Variants in TRAF6 observed in about 807,000 individuals in gnomAD.
The protein encoded by TRAF6 is TNF receptor-associated factor 6.
A neutral mutation model predicts 48.4 loss-of-function variants in TRAF6; 10 were observed. That is an observed-to-expected ratio of 0.21 (90% confidence interval 0.13 to 0.35). The LOEUF is 0.35. Ranked by LOEUF, TRAF6 falls within the 10% of genes least tolerant of loss-of-function variation. The pLI is 1.00. For missense variants in TRAF6, 397 were observed against 661.0 expected (o/e 0.60, Z 4.38); for synonymous variants, 186 against 219.6 (o/e 0.85, Z 1.35).
rs777671341 is a variant in TRAF6, at chr11:36,497,156, C to A, written c.558G>T (p.Gln186His). ...IHILKDCPRR[Q>H]VSCDNCAASM... ...ATGCAGCACAGTTGTCACAAGAAAC[C>A]TGTCTCCTTGGACAATCCTTCAGAA... is the stretch of plus-strand genomic sequence containing the variant. Residue 186 changes from glutamine to histidine, a missense_variant, in exon 4 of 7, where the codon CAG becomes CAT. Gln to His is a conservative substitution (Grantham distance 24). Around this residue, in one of 4 missense-constraint regions of TRAF6, gnomAD observed 245 missense variants for 349.1 expected, o/e 0.70. Transcript: ENST00000526995. The A allele has an allele frequency of 1.2e-6, 2 of 1,613,836 alleles. No homozygotes were observed. Among genetic ancestry groups the A allele is most frequent in the East Asian group, 2.2e-5 (1 of 44,862 alleles).
chr11:36,497,052 T>C (rs570266302), intron 4 of TRAF6, 56 bp downstream of exon 4: 32 of 1,586,630 alleles, frequency 2.0e-5, no homozygotes, highest in East Asian at 1.4e-4. Flanking sequence ...CAAGTACACA[T>C]TTAAGAACAA....
In TRAF6 at chr11:36,483,966, T is replaced by C. The variant is rs1186117016; in HGVS notation, c.*5872A>G. Among the ~76,000 whole-genome samples the C allele has an allele frequency of 6.6e-6, 1 of 152,188 alleles. No homozygotes were observed. Among genetic ancestry groups the C allele is most frequent in the Non-Finnish European group, 1.5e-5 (1 of 68,026 alleles). On this transcript the variant is annotated 3_prime_UTR_variant, in exon 7 of 7. Transcript: ENST00000526995. ...ATACCTTGCAACCAGTACTGAGACA[T>C]GACATAAAGTTAAAACTCCAGGTGC...
At chr11:36,502,445 T>C (rs575384003) in intron 1 of TRAF6, among the ~76,000 whole-genome samples, 3 of 152,170 alleles carry the variant, frequency 2.0e-5, no homozygotes, top group Non-Finnish European at 4.4e-5. Flanking sequence ...ACAGCCCATG[T>C]AACCACAACT....
At position 36,490,817 on chromosome 11, in the gene TRAF6, CCT is replaced by C. The variant is rs1462756645; in HGVS notation, c.757-169_757-168del. On this transcript the variant is annotated intron_variant, in intron 6 of 6. Transcript: ENST00000526995. The surrounding 1 kb of genome is among the most constrained non-coding windows in gnomAD (Gnocchi z 6.4). Reference sequence around the variant, plus strand: ...TTCTTGATCCAATGAGGCGACTCTGCCTCTTAGTTCACTGAAAAACAGACTAT... The same window carrying C: ...TTCTTGATCCAATGAGGCGACTCTGCCTTAGTTCACTGAAAAACAGACTAT... Among the ~76,000 whole-genome samples, 2 of 152,188 alleles carry C rather than the reference CCT, an allele frequency of 1.3e-5. No individual in the cohort carries two copies. The highest frequency in any genetic ancestry group is 2.9e-5 in the Non-Finnish European group (2 of 68,030).
In TRAF6 at chr11:36,486,546, C is replaced by A. The variant is rs1170806946; in HGVS notation, c.*3292G>T. Among the ~76,000 whole-genome samples the A allele has an allele frequency of 6.6e-6, 1 of 152,062 alleles. No individual in the cohort carries two copies. Among genetic ancestry groups the A allele is most frequent in the Non-Finnish European group, 1.5e-5 (1 of 68,024 alleles). On this transcript the variant is annotated 3_prime_UTR_variant, in exon 7 of 7. Transcript: ENST00000526995. Reference sequence around the variant, plus strand: ...GACCTGTATAATTTTATATGGGTCACAATAATTAACTGCTAGAGATCGTCC... The same window carrying A: ...GACCTGTATAATTTTATATGGGTCAAAATAATTAACTGCTAGAGATCGTCC...
chr11:36,494,329 T>C (rs1417528419), intron 5 of TRAF6, among the ~76,000 whole-genome samples: 1 of 152,124 alleles, frequency 6.6e-6, no homozygotes, highest in Non-Finnish European at 1.5e-5. Flanking sequence ...GCCATGACTG[T>C]GTCAATGCAC....
At chr11:36,497,582 T>TA (rs1347574126) in intron 3 of TRAF6, among the ~76,000 whole-genome samples, 1 of 152,194 alleles carries the variant, frequency 6.6e-6, no homozygotes, top group Non-Finnish European at 1.5e-5. Flanking sequence ...AGCTAATAAG[T>TA]AAAAGGAGCA....
In TRAF6 at chr11:36,497,075, T is replaced by C. The variant is rs762119952; in HGVS notation, c.606+33A>G. The C allele has an allele frequency of 2.2e-5, 36 of 1,604,896 alleles. No individual in the cohort carries two copies. The South Asian group carries it at 2.5e-4, about 11-fold the overall frequency. On this transcript the variant is annotated intron_variant, in intron 4 of 6. Coordinates refer to ENST00000526995, the MANE Select transcript of TRAF6 (RefSeq NM_004620.4). The stretch of plus-strand genomic sequence containing the variant: ...CATTTAAGAACAATATTTTAAGAAG[T>C]AGTGAATTTAACAAATCCAAGTTAG...
At position 36,499,689 on chromosome 11, in the gene TRAF6, A is replaced by T. The variant is rs553389811; in HGVS notation, c.297-1049T>A. ...TGTAATACATCTTTCCCCAAAATTG[A>T]AACAGCAGACATTATCTTTTGTGAT... On this transcript the variant is annotated intron_variant, in intron 2 of 6. Coordinates refer to ENST00000526995, the MANE Select transcript of TRAF6 (RefSeq NM_004620.4). 2.0e-5 allele frequency among the ~76,000 whole-genome samples: 3 copies of T among 152,338 alleles called. No homozygotes were observed. In the East Asian group the frequency reaches 5.8e-4, roughly 29 times the overall value.
chr11:36,491,972 C>T (rs1317350090), intron 6 of TRAF6, among the ~76,000 whole-genome samples: 1 of 151,842 alleles, frequency 6.6e-6, no homozygotes, highest in Admixed American at 6.6e-5. Flanking sequence ...TCTTTTTTGC[C>T]GAATGGCCCT....
At position 36,487,267 on chromosome 11, in the gene TRAF6, G is replaced by C. The variant is rs138107774; in HGVS notation, c.*2571C>G. ...TTGTATACCCAACTGAGTGAAACTAGCATGTTTAAGAATAGAGTAGGAGAT... is the reference window on the plus strand; with the variant it reads ...TTGTATACCCAACTGAGTGAAACTACCATGTTTAAGAATAGAGTAGGAGAT... On this transcript the variant is annotated 3_prime_UTR_variant, in exon 7 of 7. Transcript: ENST00000526995. 6.6e-6 allele frequency: 1 copy of C among 152,188 alleles called. No homozygotes were observed. The highest frequency in any genetic ancestry group is 2.4e-5 in the African/African-American group (1 of 41,442). The allele number at this position is 152,188 out of a possible 1,614,324, so 9.4% of individuals were successfully genotyped here. A position where few individuals can be genotyped will look rare whatever the true frequency, so the allele number is the denominator to read the frequency against.
rs2133659299 is a variant in TRAF6 at position 36,485,343 on chromosome 11, A to G, written c.*4495T>C. 6.6e-6 allele frequency among the ~76,000 whole-genome samples: 1 copy of G among 152,262 alleles called. No individual in the cohort carries two copies. The highest frequency in any genetic ancestry group is 1.9e-4 in the East Asian group (1 of 5,188). On this transcript the variant is annotated 3_prime_UTR_variant, in exon 7 of 7. Coordinates refer to ENST00000526995, the MANE Select transcript of TRAF6 (RefSeq NM_004620.4). Reference sequence around the variant, plus strand: ...TTTGAGTGTGTGCAACGTGCCAGGCACTGTGGTAAGAAGAGGGGATTCAGC... The same window carrying G: ...TTTGAGTGTGTGCAACGTGCCAGGCGCTGTGGTAAGAAGAGGGGATTCAGC...
In TRAF6 at chr11:36,484,316, T is replaced by G. The variant is rs544395128; in HGVS notation, c.*5522A>C. Among the ~76,000 whole-genome samples, 1 of 152,202 alleles carries G rather than the reference T, an allele frequency of 6.6e-6. No individual in the cohort carries two copies. Among genetic ancestry groups the G allele is most frequent in the Non-Finnish European group, 1.5e-5 (1 of 68,032 alleles). ...CATGATTAGTGTTTCCCCACCCTTA[T>G]CTTTGCATTCACTCCCTCTCATAAA... On this transcript the variant is annotated 3_prime_UTR_variant, in exon 7 of 7. Transcript: ENST00000526995.
At chr11:36,501,895 ATGTT>A (rs1318601027) in intron 1 of TRAF6, 4 of 157,088 alleles carry the variant, frequency 2.5e-5, no homozygotes, top group African/African-American at 9.6e-5. Flanking sequence ...ATCTGTTTAC[ATGTT>A]TGTTTCCTGT....
rs1859555711 is a variant in TRAF6 at position 36,490,977 on chromosome 11, A to G, written c.757-327T>C. ...GATTAACATTCTACCTGTGCTCTAA[A>G]TGTTACCTGACCTGTTGCGACACCC... On this transcript the variant is annotated intron_variant, in intron 6 of 6. Transcript: ENST00000526995. The surrounding 1 kb of genome is among the most constrained non-coding windows in gnomAD (Gnocchi z 6.4). 1.3e-5 allele frequency among the ~76,000 whole-genome samples: 2 copies of G among 152,172 alleles called. No individual in the cohort carries two copies. The highest frequency in any genetic ancestry group is 4.8e-5 in the African/African-American group (2 of 41,446).
At chr11:36,491,458 T>C (rs1041598555) in intron 6 of TRAF6, among the ~76,000 whole-genome samples, 5 of 152,312 alleles carry the variant, frequency 3.3e-5, no homozygotes, top group African/African-American at 1.2e-4. Context: ...AATACAACCA[T>C]ACCATTTTGC....
rs60452018 is a variant in TRAF6 at position 36,506,136 on chromosome 11, T to TA, written c.-23+3911dup. ...GGGTTGACATAAATCTTCAATATGTTAAAAAAAAAAAACAAAAAAGTATCC... is the reference window on the plus strand; with the variant it reads ...GGGTTGACATAAATCTTCAATATGTTAAAAAAAAAAAAACAAAAAAGTATCC... On this transcript the variant is annotated intron_variant, in intron 1 of 6. Coordinates refer to ENST00000526995, the MANE Select transcript of TRAF6 (RefSeq NM_004620.4). Among the ~76,000 whole-genome samples, 873 of 147,712 alleles carry TA rather than the reference T, an allele frequency of 5.9e-3. 4 individuals are homozygous for TA. The highest frequency in any genetic ancestry group is 0.021 in the African/African-American group (837 of 40,420).
At chr11:36,494,565 C>T (rs538107381) in intron 5 of TRAF6, among the ~76,000 whole-genome samples, 75 of 152,140 alleles carry the variant, frequency 4.9e-4, no homozygotes, top group African/African-American at 1.7e-3. Context: ...TCCTTTATTT[C>T]GCTGTTCCCT....
At chr11:36,503,048 G>A (rs1213152845) in intron 1 of TRAF6, among the ~76,000 whole-genome samples, 1 of 152,190 alleles carries the variant, frequency 6.6e-6, no homozygotes, top group East Asian at 1.9e-4. Context: ...CAACTAATAA[G>A]TAACAGAGTT....
Sources: allele counts gnomAD v4.1 joint callset (sites outside exome capture counted in the v4.1 genomes callset), GRCh38; gene constraint gnomAD v4.1.1; regional missense constraint gnomAD v4.1.1; non-coding constraint Gnocchi (gnomAD v3.1); transcripts MANE v1.5; gene names NCBI Gene and HGNC (gene_info 2026-07-23, HGNC 2026-07-21).